AXL: variants seen among roughly 807,000 people sequenced by gnomAD.
AXL encodes the protein tyrosine-protein kinase receptor UFO.
A neutral mutation model predicts 104.5 loss-of-function variants in AXL; 52 were observed. The observed-to-expected ratio is 0.50, with a 90% confidence interval of 0.40 to 0.63. The LOEUF (loss-of-function observed/expected upper bound fraction) is 0.63, where lower values mean the gene tolerates loss of function less well. AXL is among the 20% of genes least tolerant of loss of function. The probability of loss-of-function intolerance (pLI) is 0.00; values close to 1 mark genes in which losing one functional copy is unlikely to be tolerated. For synonymous variants in AXL, 455 were observed against 473.7 expected, an observed-to-expected ratio of 0.96 and a Z score of 0.51; for missense variants, 1,024 against 1,188.5, an observed-to-expected ratio of 0.86 and a Z score of 2.04.
chr19:41,249,247 T>A (rs1383935008), intron 14 of AXL, among the ~76,000 whole-genome samples: 1 of 151,252 alleles, frequency 6.6e-6, no homozygotes, highest in Non-Finnish European at 1.5e-5. Context: ...GAGACCAGCC[T>A]AGGCAATATG....
At chr19:41,226,059 G>A (rs1033050562) in intron 4 of AXL, among the ~76,000 whole-genome samples, 3 of 152,232 alleles carry the variant, frequency 2.0e-5, no homozygotes, top group South Asian at 2.1e-4. Flanking sequence ...ACCTTCTGGA[G>A]GGGAAGGGGT....
At chr19:41,258,802 G>A (rs949600690) in intron 19 of AXL, among the ~76,000 whole-genome samples, 1 of 152,220 alleles carries the variant, frequency 6.6e-6, no homozygotes, top group Admixed American at 6.5e-5. Flanking sequence ...AACAACAAAC[G>A]TTTATTATCT....
At chr19:41,242,450 G>A (rs1484900358) in intron 10 of AXL, among the ~76,000 whole-genome samples, 1 of 150,774 alleles carries the variant, frequency 6.6e-6, no homozygotes, top group Non-Finnish European at 1.5e-5. Context: ...CAGCTCCCGA[G>A]TAGCTGGGAT....
chr19:41,222,161 T>C, intron 4 of AXL, 105 bp downstream of exon 4: 1 of 1,198,910 alleles, frequency 8.3e-7, no homozygotes, highest in East Asian at 2.8e-5. Flanking sequence ...ACTGTCCTTC[T>C]GTCCCTCACT....
In AXL at chr19:41,220,528, G is replaced by A. The variant is rs892518903; in HGVS notation, c.86-108G>A. The A allele has an allele frequency of 4.3e-6, 4 of 922,226 alleles. No homozygotes were observed. In the African/African-American group the frequency reaches 6.7e-5, roughly 15 times the overall value. 57.1% of individuals were successfully genotyped at this position (922,226 alleles called of 1,614,324 possible). A position where few individuals can be genotyped will look rare whatever the true frequency, so the allele number is the denominator to read the frequency against. ...TCACTCTGCAACTATGTCGGCCTAA[G>A]GGCCTGGCGGGGTCCTGGCCGCCGG... is the stretch of plus-strand genomic sequence containing the variant. On this transcript the variant is annotated intron_variant, in intron 1 of 19. Coordinates refer to ENST00000301178, the MANE Select transcript of AXL (RefSeq NM_021913.5).
At chr19:41,253,852 G>C (rs2034409895) in intron 17 of AXL, 144 bp downstream of exon 17, 3 of 663,240 alleles carry the variant, frequency 4.5e-6, no homozygotes, top group Non-Finnish European at 8.0e-6. Flanking sequence ...CAGTAAGGGG[G>C]TCTGGGAAGG....
At position 41,220,614 on chromosome 19, in the gene AXL, ACT is replaced by A; in HGVS notation, c.86-19_86-18del. 3.2e-6 allele frequency: 5 copies of A among 1,547,470 alleles called. No homozygotes were observed. The highest frequency in any genetic ancestry group is 4.4e-6 in the Non-Finnish European group (5 of 1,143,150). ...AAGGAGCTGGGGGGTTCCTAAGCTA[ACT>A]CTTCCCATCTCCCCTCCAGGCACGC... is the stretch of plus-strand genomic sequence containing the variant. On this transcript the variant is annotated intron_variant, in intron 1 of 19. Transcript: ENST00000301178.
In AXL at chr19:41,239,230, A is replaced by T; in HGVS notation, c.1201A>T (p.Asn401Tyr). 1.2e-6 allele frequency: 2 copies of T among 1,612,912 alleles called. No homozygotes were observed. Residue 401 changes from asparagine (N) to tyrosine (Y), a missense_variant, in exon 9 of 20, where the codon AAT becomes TAT. Physicochemically the swap from Asn to Tyr is moderately radical, Grantham distance 143. Coordinates refer to ENST00000301178, the MANE Select transcript of AXL (RefSeq NM_021913.5). Reference protein sequence around the residue: ...LELQGDGSVSNLTVCVAAYTA... With the variant: ...LELQGDGSVSYLTVCVAAYTA... ...GCTGCAGGGGGACGGGTCTGTGTCC[A>T]ATCTGACAGTGTGTGTGGCAGCCTA...
chr19:41,248,812 C>T lies in AXL; in HGVS notation c.1703C>T (p.Thr568Met), dbSNP rs749923407. 26 of 1,610,742 alleles carry T rather than the reference C, an allele frequency of 1.6e-5. No homozygotes were observed. Among genetic ancestry groups the T allele is most frequent in the African/African-American group, 1.6e-4 (12 of 74,848 alleles). The change falls in exon 14 of 20, where the codon ACG becomes ATG. Residue 568 changes from threonine to methionine, a missense_variant. Physicochemically the swap from Thr to Met is moderately conservative, Grantham distance 81 (BLOSUM62 -1). Coordinates refer to ENST00000301178, the MANE Select transcript of AXL (RefSeq NM_021913.5). ...DDSILKVAVK[T>M]MKIAICTRSE... ...TCCATCCTCAAGGTGGCTGTGAAGA[C>T]GATGAAGAGTGAGTTACGTGCACAT...
intron 12 of AXL, among the ~76,000 whole-genome samples, chr19:41,244,264 T>C (rs2034234820): frequency 6.6e-6 from 1 of 151,820 alleles, no homozygotes; most frequent in Non-Finnish European, 1.5e-5. Flanking sequence ...CCATTGGATC[T>C]TAGAAGATGT....
At chr19:41,258,007 A>C (rs1044373838) in intron 19 of AXL, among the ~76,000 whole-genome samples, 11 of 152,178 alleles carry the variant, frequency 7.2e-5, no homozygotes, top group Non-Finnish European at 1.5e-4. Flanking sequence ...ATGCTCCTCA[A>C]CACCTGAGAC....
intron 6 of AXL, among the ~76,000 whole-genome samples, chr19:41,233,705 C>T (rs377333768): frequency 6.8e-6 from 1 of 147,454 alleles, no homozygotes; most frequent in Non-Finnish European, 1.5e-5. Context: ...CAGAGAGGGG[C>T]CCCCTCTCTG....
chr19:41,227,260 C>G (rs1271934948), intron 4 of AXL, among the ~76,000 whole-genome samples: 1 of 152,098 alleles, frequency 6.6e-6, no homozygotes, highest in Non-Finnish European at 1.5e-5. Context: ...AAGCCTGAAA[C>G]AATGAATAAT....
chr19:41,223,384 C>A (rs915104958), intron 4 of AXL, among the ~76,000 whole-genome samples: 4 of 152,172 alleles, frequency 2.6e-5, no homozygotes, highest in African/African-American at 4.8e-5. Flanking sequence ...CCCTTCTGCA[C>A]CATGCAGACG....
intron 12 of AXL, among the ~76,000 whole-genome samples, chr19:41,244,486 CTT>C (rs200418503): frequency 1.4e-5 from 2 of 144,426 alleles, no homozygotes; most frequent in Non-Finnish European, 3.1e-5. Flanking sequence ...CTTTTTTTTT[CTT>C]TTTTTTTTTG....
chr19:41,247,449 GC>G (rs1208681456), intron 12 of AXL, among the ~76,000 whole-genome samples: 2 of 152,068 alleles, frequency 1.3e-5, no homozygotes, highest in African/African-American at 4.8e-5. Flanking sequence ...GTTGCGGTGA[GC>G]CGAGATTGCG....
intron 6 of AXL, among the ~76,000 whole-genome samples, chr19:41,232,920 A>G (rs2034015980): frequency 6.6e-6 from 1 of 152,118 alleles, no homozygotes; most frequent in African/African-American, 2.4e-5. Context: ...AGAGTGGTTA[A>G]CCAGATTGTC....
chr19:41,233,232 C>T (rs1019639671), intron 6 of AXL, among the ~76,000 whole-genome samples: 80 of 152,106 alleles, frequency 5.3e-4, no homozygotes, highest in African/African-American at 1.8e-3. Flanking sequence ...TCAAGTGACC[C>T]GCCCACCTCG....
Position 41,219,291 on chromosome 19 carries a change from C to A in AXL, c.-102C>A. On this transcript the variant is annotated 5_prime_UTR_variant, in exon 1 of 20. Coordinates refer to ENST00000301178, the MANE Select transcript of AXL (RefSeq NM_021913.5). ...TGCCGCTGTGCCAGGCAGGCAGTGC[C>A]AAATCCGGGGAGCCTGGAGCTGGGG... 8.3e-7 allele frequency: 1 copy of A among 1,211,466 alleles called. No individual in the cohort carries two copies. Among genetic ancestry groups the A allele is most frequent in the African/African-American group, 1.5e-5 (1 of 64,858 alleles). The allele number at this position is 1,211,466 out of a possible 1,614,324, so 75.0% of individuals were successfully genotyped here.
Sources: allele counts gnomAD v4.1 joint callset (sites outside exome capture counted in the v4.1 genomes callset), GRCh38; gene constraint gnomAD v4.1.1; transcripts MANE v1.5; gene names NCBI Gene and HGNC (gene_info 2026-07-23, HGNC 2026-07-21).